The following EFHB variants were observed in gnomAD, a reference collection of about 807,000 sequenced individuals.
EFHB encodes the protein EF-hand domain family member B.
A neutral mutation model predicts 87.2 loss-of-function variants in EFHB; 91 were observed. The observed-to-expected ratio is 1.04, with a 90% CI of 0.88 to 1.24. The LOEUF is 1.24. Ranked by LOEUF, EFHB falls within the 50% of genes most tolerant of loss-of-function variation. EFHB has a pLI of 0.00. For synonymous variants in EFHB, 325 were observed against 333.6 expected, an observed-to-expected ratio of 0.97 and a Z score of 0.28; for missense variants, 1,084 against 998.8, an observed-to-expected ratio of 1.09 and a Z score of -1.15.
intron 5 of EFHB, among the ~76,000 whole-genome samples, chr3:19,909,469 C>A (rs1392549818): frequency 6.6e-6 from 1 of 152,174 alleles, no homozygotes; most frequent in East Asian, 1.9e-4. Context: ...CTCCAAGTAA[C>A]CTTGAAAGGC....
At chr3:19,918,979 CAAAAAAAAAA>C (rs11356910) in intron 3 of EFHB, among the ~76,000 whole-genome samples, 3 of 75,986 alleles carry the variant, frequency 3.9e-5, no homozygotes, top group Non-Finnish European at 8.2e-5. Flanking sequence ...GACTCAGTCT[CAAAAAAAAAA>C]AAAAAAAAAG....
chr3:19,889,635 T>C (rs1195731221), intron 9 of EFHB, among the ~76,000 whole-genome samples: 1 of 152,082 alleles, frequency 6.6e-6, no homozygotes, highest in Non-Finnish European at 1.5e-5. Context: ...CTGGAAAACT[T>C]CCCTACTTAA....
At chr3:19,896,414 T>C in intron 9 of EFHB, 1 of 469,778 alleles carries the variant, frequency 2.1e-6, no homozygotes, top group East Asian at 4.4e-5. Flanking sequence ...GCAAATGTCT[T>C]CTGTTAAGGG....
intron 1 of EFHB, among the ~76,000 whole-genome samples, chr3:19,922,640 G>GT (rs1695475093): frequency 6.6e-6 from 1 of 152,200 alleles, no homozygotes; most frequent in Non-Finnish European, 1.5e-5. Flanking sequence ...AGGAAAGGCA[G>GT]TAGCGCATCA....
At chr3:19,938,016 G>A (rs1223644070), upstream of EFHB, among the ~76,000 whole-genome samples, 2 of 152,166 alleles carry the variant, frequency 1.3e-5, no homozygotes, top group Admixed American at 6.5e-5. Context: ...AGTGAGAGAG[G>A]TGGAAGACTG....
chr3:19,939,335 T>C (rs1696095357), intron 1 of EFHB, among the ~76,000 whole-genome samples: 1 of 148,650 alleles, frequency 6.7e-6, no homozygotes, highest in African/African-American at 2.5e-5. Flanking sequence ...TTCTTCCCAG[T>C]AGCACGTCTT....
At position 19,899,444 on chromosome 3, in the gene EFHB, C is replaced by A; in HGVS notation, c.1490G>T (p.Arg497Ile). 6.2e-7 allele frequency: 1 copy of A among 1,600,146 alleles called. No individual in the cohort carries two copies. Among genetic ancestry groups the A allele is most frequent in the Non-Finnish European group, 8.5e-7 (1 of 1,175,208 alleles). The change falls in exon 7 of 13, where the codon AGA (arginine) becomes ATA (isoleucine). Residue 497 changes from arginine to isoleucine, a missense_variant. Physicochemically the swap from Arg to Ile is moderately conservative, Grantham distance 97. Transcript: ENST00000295824. Reference sequence around the variant, plus strand: ...ATCATTAACTTACGGATCTAAAACTCTTCCAAGTTTATGTTGAAACTTTTC... The same window carrying A: ...ATCATTAACTTACGGATCTAAAACTATTCCAAGTTTATGTTGAAACTTTTC... ...FKEKFQHKLG[R>I]VLDPIAETMN...
chr3:19,883,154 T>A (rs1182972677), intron 11 of EFHB, among the ~76,000 whole-genome samples: 1 of 151,772 alleles, frequency 6.6e-6, no homozygotes, highest in Non-Finnish European at 1.5e-5. Context: ...GCGTTTGCCA[T>A]CATGCCCAGC....
intron 9 of EFHB, among the ~76,000 whole-genome samples, chr3:19,896,041 C>T (rs1694470800): frequency 6.6e-6 from 1 of 152,162 alleles, no homozygotes; most frequent in Non-Finnish European, 1.5e-5. Flanking sequence ...ACTAAAACCA[C>T]ACCCTGCTCC....
At chr3:19,944,140 G>A (rs1447546424) in intron 1 of EFHB, among the ~76,000 whole-genome samples, 2 of 152,116 alleles carry the variant, frequency 1.3e-5, no homozygotes, top group African/African-American at 4.8e-5. Flanking sequence ...TTTGTCTCCA[G>A]GAAAAATTTT....
In EFHB at chr3:19,884,619, T is replaced by A. The variant is rs201019742; in HGVS notation, c.1934-4A>T. On this transcript the variant is annotated splice_region_variant and splice_polypyrimidine_tract_variant and intron_variant, in intron 10 of 12. Transcript: ENST00000295824. ...TTTACACAATCTGGTTTTCTACCTT[T>A]AAGGAAAATAAATGAAAGAAAAAAT... is the stretch of plus-strand genomic sequence containing the variant. The A allele has an allele frequency of 1.2e-6, 2 of 1,609,752 alleles. No homozygotes were observed. The highest frequency in any genetic ancestry group is 4.5e-5 in the East Asian group (2 of 44,846).
At chr3:19,936,744 T>G (rs1696031416), upstream of EFHB, among the ~76,000 whole-genome samples, 1 of 151,882 alleles carries the variant, frequency 6.6e-6, no homozygotes, top group Non-Finnish European at 1.5e-5. Context: ...GGCCAGCACT[T>G]GTAATCCCAG....
At chr3:19,937,832 C>T (rs1196516501), upstream of EFHB, among the ~76,000 whole-genome samples, 1 of 152,094 alleles carries the variant, frequency 6.6e-6, no homozygotes, top group Admixed American at 6.6e-5. Context: ...TTGGTTATAG[C>T]CCTGACCCTG....
At chr3:19,891,544 G>A (rs1462707327) in intron 9 of EFHB, among the ~76,000 whole-genome samples, 1 of 152,130 alleles carries the variant, frequency 6.6e-6, no homozygotes, top group African/African-American at 2.4e-5. Context: ...TCATGGCTCT[G>A]GCAAATACTC....
At chr3:19,903,573 A>G (rs1024523094) in intron 6 of EFHB, among the ~76,000 whole-genome samples, 1 of 152,052 alleles carries the variant, frequency 6.6e-6, no homozygotes, top group Non-Finnish European at 1.5e-5. Flanking sequence ...TAATAATAAT[A>G]ATTAAGAAAT....
At chr3:19,896,408 A>T in intron 9 of EFHB, 1 of 456,598 alleles carries the variant, frequency 2.2e-6, no homozygotes, top group Non-Finnish European at 4.0e-6. Flanking sequence ...GGGTCAGCAA[A>T]TGTCTTCTGT....
intron 1 of EFHB, among the ~76,000 whole-genome samples, chr3:19,925,448 T>C (rs1262166979): frequency 6.6e-6 from 1 of 152,152 alleles, no homozygotes; most frequent in African/African-American, 2.4e-5. Context: ...TATTCTCCTT[T>C]CCATATTTAT....
upstream of EFHB, among the ~76,000 whole-genome samples, chr3:19,934,426 T>TGC (rs1695958355): frequency 1.2e-5 from 1 of 85,524 alleles, no homozygotes; most frequent in South Asian, 4.7e-4. Context: ...CCCTCTCCTC[T>TGC]CCTTTGCCCT....
In EFHB at chr3:19,933,822, A is replaced by T. The variant is rs775793704; in HGVS notation, c.197T>A (p.Leu66Ter). 2 of 1,613,706 alleles carry T rather than the reference A, an allele frequency of 1.2e-6. No homozygotes were observed. The highest frequency in any genetic ancestry group is 1.7e-6 in the Non-Finnish European group (2 of 1,179,856). Reference sequence around the variant, plus strand: ...TAATCCCATTTCAAGCCCCTTGCTCAATGGAAATTTTGTTTCTGGTGGTGC... The same window carrying T: ...TAATCCCATTTCAAGCCCCTTGCTCTATGGAAATTTTGTTTCTGGTGGTGC... ...RMAPPETKFP[L>*]SKGLEMGLER... The change falls in exon 1 of 13, where the codon TTG becomes TAG. Residue 66 changes from leucine (L) to a stop codon, truncating the protein, a stop_gained. Coordinates refer to ENST00000295824, the MANE Select transcript of EFHB (RefSeq NM_144715.4). LOFTEE classifies it high-confidence loss of function.
Sources: gnomAD v4.1 joint callset for allele counts (sites outside exome capture counted in the v4.1 genomes callset) on GRCh38, gnomAD v4.1.1 for gene constraint, MANE v1.5 for transcripts, NCBI Gene and HGNC (gene_info 2026-07-23, HGNC 2026-07-21) for gene names.